CREBBP: variants seen among roughly 807,000 people sequenced by gnomAD.
CREBBP encodes CREB binding lysine acetyltransferase, also known as CREB-binding protein.
Under a neutral mutation model 265.0 loss-of-function variants are expected in CREBBP, and 19 were observed. The ratio of observed to expected loss-of-function variants is 0.07; its 90% CI spans 0.05 to 0.11. CREBBP has a LOEUF of 0.11. Among genes scored for constraint, CREBBP ranks in the 10% least tolerant of loss-of-function variants. The pLI is 1.00. For synonymous variants in CREBBP, 1,457 were observed against 1,223.7 expected, an observed-to-expected ratio of 1.19 and a Z score of -3.98; for missense variants, 2,525 against 3,219.0, an observed-to-expected ratio of 0.78 and a Z score of 5.22.
rs1358026398 is a variant in CREBBP, at chr16:3,727,998, T to C, written c.7049A>G (p.Gln2350Arg). 1 of 1,609,196 alleles carries C rather than the reference T, an allele frequency of 6.2e-7. No homozygotes were observed. The highest frequency in any genetic ancestry group is 1.3e-5 in the African/African-American group (1 of 74,756). The stretch of plus-strand genomic sequence containing the variant: ...AGGCTGGGACTGGGGCCGTGGAGAC[T>C]GGACAGGGGCTGGAGACCGCACCTG... ...SNQVRSPAPV[Q>R]SPRPQSQPPH... Residue 2350 changes from glutamine (Q) to arginine (R), a missense_variant, in exon 31 of 31, where the codon CAG becomes CGG. Gln to Arg is a conservative substitution (Grantham distance 43, BLOSUM62 1). Coordinates refer to ENST00000262367, the MANE Select transcript of CREBBP (RefSeq NM_004380.3).
At chr16:3,834,206 G>T (rs2141423918) in intron 2 of CREBBP, among the ~76,000 whole-genome samples, 1 of 152,266 alleles carries the variant, frequency 6.6e-6, no homozygotes, top group Middle Eastern at 3.4e-3. Context: ...AGACATTTTT[G>T]CAGTTTCTCA....
At chr16:3,870,776 T>A (rs1386838102) in intron 1 of CREBBP, among the ~76,000 whole-genome samples, 1 of 152,078 alleles carries the variant, frequency 6.6e-6, no homozygotes, top group Non-Finnish European at 1.5e-5. Flanking sequence ...TATTTTCCCA[T>A]ACAATTAAAC....
rs772154443 is a variant in CREBBP at position 3,740,401 on chromosome 16, T to C, written c.4131A>G (p.Ser1377=). The C allele has an allele frequency of 6.2e-7, 1 of 1,614,190 alleles. No homozygotes were observed. The highest frequency in any genetic ancestry group is 8.5e-7 in the Non-Finnish European group (1 of 1,180,040). The part of the protein sequence containing the change: ...KTVEVKPGMK[S]RFVDSGEMSE... ...CTGTAGAGAGCAGGCACACTGACCG[T>C]GACTTCATCCCGGGCTTGACCTCCA... is the stretch of plus-strand genomic sequence containing the variant. The change falls in exon 24 of 31, where the codon TCA becomes TCG. Residue 1377 remains serine, a splice_region_variant and synonymous_variant. Transcript: ENST00000262367.
chr16:3,796,802 T>A (rs929854392), intron 3 of CREBBP, among the ~76,000 whole-genome samples: 2 of 152,244 alleles, frequency 1.3e-5, no homozygotes, highest in Non-Finnish European at 2.9e-5. Context: ...TACCTCTGGA[T>A]GGAGGACAAA....
intron 1 of CREBBP, among the ~76,000 whole-genome samples, chr16:3,877,736 C>A (rs1002273770): frequency 6.6e-6 from 1 of 152,222 alleles, no homozygotes; most frequent in South Asian, 2.1e-4. Context: ...ATAATGAGCC[C>A]TTCCTTGGTC....
intron 3 of CREBBP, among the ~76,000 whole-genome samples, chr16:3,806,440 A>G (rs2053831747): frequency 6.6e-6 from 1 of 151,408 alleles, no homozygotes; most frequent in African/African-American, 2.4e-5. Context: ...TGAAGTCTCC[A>G]TAACGCAGTT....
At chr16:3,849,172 G>A (rs1315081154) in intron 2 of CREBBP, among the ~76,000 whole-genome samples, 2 of 152,142 alleles carry the variant, frequency 1.3e-5, no homozygotes, top group Non-Finnish European at 2.9e-5. Context: ...TGGCCGCAGA[G>A]CATCCACAGT....
intron 5 of CREBBP, among the ~76,000 whole-genome samples, chr16:3,786,196 T>G (rs377438605): frequency 3.9e-5 from 6 of 152,076 alleles, no homozygotes; most frequent in African/African-American, 1.4e-4. Context: ...TGAAACCCCA[T>G]CTCTATTAAA....
chr16:3,843,761 G>T (rs564605313), intron 2 of CREBBP, among the ~76,000 whole-genome samples: 1 of 152,024 alleles, frequency 6.6e-6, no homozygotes, highest in Non-Finnish European at 1.5e-5. Context: ...GGAAAAAAAG[G>T]CTTCAGGCCC....
chr16:3,752,076 T>C (rs754181710), intron 19 of CREBBP, among the ~76,000 whole-genome samples: 15 of 151,946 alleles, frequency 9.9e-5, no homozygotes, highest in Non-Finnish European at 1.3e-4. Flanking sequence ...AGGCAAAGCA[T>C]TGATTAGCAT....
intron 12 of CREBBP, 36 bp from the exon 13 acceptor site, chr16:3,773,966 G>C (rs757722869): frequency 1.9e-6 from 3 of 1,609,130 alleles, no homozygotes; most frequent in Middle Eastern, 4.5e-4. Context: ...GCTGTAGTTC[G>C]GAAGCTGACG....
chr16:3,836,641 C>T (rs1281712629), intron 2 of CREBBP, among the ~76,000 whole-genome samples: 1 of 151,720 alleles, frequency 6.6e-6, no homozygotes, highest in Non-Finnish European at 1.5e-5. Context: ...ATTACAACTC[C>T]AAAAATAATC....
rs779479811 is a variant in CREBBP at position 3,770,815 on chromosome 16, G to C, written c.2635C>G (p.Pro879Ala). 2 of 1,614,058 alleles carry C rather than the reference G, an allele frequency of 1.2e-6. No individual in the cohort carries two copies. The highest frequency in any genetic ancestry group is 1.7e-6 in the Non-Finnish European group (2 of 1,180,002). Residue 879 changes from proline to alanine, a missense_variant, in exon 14 of 31, where the codon CCT (proline) becomes GCT (alanine). Pro to Ala is a conservative substitution (Grantham distance 27). This residue lies in a region of CREBBP where 548 missense variants were observed against 533.0 expected (regional missense o/e 1.03). Transcript: ENST00000262367. ...TGAGTGGGAGCTGCTGGCTGGGGAG[G>C]AGTCATCCCAGGTGGTGTCGTGTGC... Reference protein sequence around the residue: ...LQHTTPPGMTPPQPAAPTQPS... With the variant: ...LQHTTPPGMTAPQPAAPTQPS...
At chr16:3,778,582 G>A in intron 9 of CREBBP, 118 bp downstream of exon 9, 1 of 899,302 alleles carries the variant, frequency 1.1e-6, no homozygotes, top group Non-Finnish European at 1.9e-6. Flanking sequence ...GTGGCCTCAA[G>A]GGGAGGAGTC....
Position 3,782,700 on chromosome 16 carries a change from C to A in CREBBP, c.1557G>T (p.Arg519Ser). ...PAQPQTHQQM[R>S]TLNPLGNNPM... The stretch of plus-strand genomic sequence containing the variant: ...TTCACCTACCCAGGGGGTTGAGAGT[C>A]CTCATCTGCTGGTGGGTTTGAGGCT... Residue 519 changes from arginine (R) to serine (S), a missense_variant, in exon 6 of 31, where the codon AGG becomes AGT. Arg to Ser is a moderately radical substitution (Grantham distance 110, BLOSUM62 -1). Around this residue, in one of 19 missense-constraint regions of CREBBP, gnomAD observed 144 missense variants for 134.0 expected, o/e 1.07. Coordinates refer to ENST00000262367, the MANE Select transcript of CREBBP (RefSeq NM_004380.3). 1 of 1,614,100 alleles carries A rather than the reference C, an allele frequency of 6.2e-7. No individual in the cohort carries two copies. The highest frequency in any genetic ancestry group is 8.5e-7 in the Non-Finnish European group (1 of 1,180,008).
intron 21 of CREBBP, among the ~76,000 whole-genome samples, chr16:3,748,153 C>T (rs1449262674): frequency 1.3e-5 from 2 of 151,726 alleles, no homozygotes; most frequent in Admixed American, 6.6e-5. Context: ...GTGGCGGGCA[C>T]CTGTAATCCC....
intron 28 of CREBBP, among the ~76,000 whole-genome samples, chr16:3,734,850 C>T (rs990750466): frequency 5.3e-5 from 8 of 152,202 alleles, no homozygotes; most frequent in Admixed American, 6.5e-5. Context: ...ACCTCACAGA[C>T]GTGCTCTCAT....
At position 3,809,918 on chromosome 16, in the gene CREBBP, G is replaced by A. The variant is rs897849011; in HGVS notation, c.975+685C>T. On this transcript the variant is annotated intron_variant, in intron 3 of 30. Coordinates refer to ENST00000262367, the MANE Select transcript of CREBBP (RefSeq NM_004380.3). The stretch of plus-strand genomic sequence containing the variant: ...GCTTGTGGTCCTCACCCACCACCAA[G>A]AGCACACCAGACATGCAGCACTGGG... 3.9e-5 allele frequency among the ~76,000 whole-genome samples: 6 copies of A among 152,054 alleles called. No homozygotes were observed. In the East Asian group the frequency reaches 1.2e-3, roughly 29 times the overall value.
rs1419820166 is a variant in CREBBP at position 3,770,654 on chromosome 16, G to T, written c.2796C>A (p.Thr932=). The change falls in exon 14 of 31, where the codon ACC becomes ACA. Residue 932 remains threonine, a synonymous_variant. Transcript: ENST00000262367. ...AQAQVTPQPQ[T]PVQPPSVATP... is the part of the protein sequence containing the mutation. ...TAGCCACAGACGGGGGCTGAACTGG[G>T]GTTTGAGGCTGCGGGGTCACCTGGG... The T allele has an allele frequency of 6.2e-7, 1 of 1,614,040 alleles. No individual in the cohort carries two copies. The highest frequency in any genetic ancestry group is 1.7e-5 in the Admixed American group (1 of 60,020).
Sources: gnomAD v4.1 joint callset for allele counts (sites outside exome capture counted in the v4.1 genomes callset) on GRCh38, gnomAD v4.1.1 for gene constraint, gnomAD v4.1.1 regional missense constraint, MANE v1.5 for transcripts, NCBI Gene and HGNC (gene_info 2026-07-23, HGNC 2026-07-21) for gene names.